Variants in KCNT2 observed in about 807,000 individuals in gnomAD.
KCNT2 encodes potassium channel subfamily T member 2.
In KCNT2, 67 loss-of-function variants were observed where a neutral mutation model predicts 153.8. That is an observed-to-expected ratio of 0.44 (90% CI 0.36 to 0.53). KCNT2 has a LOEUF of 0.53. Among genes scored for constraint, KCNT2 ranks in the 20% least tolerant of loss-of-function variants. KCNT2 has a pLI of 0.00. For missense variants in KCNT2, 975 were observed against 1,354.8 expected, an observed-to-expected ratio of 0.72 and a Z score of 4.40; for synonymous variants, 500 against 458.8, an observed-to-expected ratio of 1.09 and a Z score of -1.15.
At chr1:196,548,648 T>C (rs1657453287) in intron 1 of KCNT2, among the ~76,000 whole-genome samples, 1 of 152,076 alleles carries the variant, frequency 6.6e-6, no homozygotes, top group Admixed American at 6.6e-5. Context: ...AGCCATCCCA[T>C]TACTGCATAT....
intron 5 of KCNT2, among the ~76,000 whole-genome samples, chr1:196,474,177 T>G (rs1194244651): frequency 1.3e-5 from 2 of 152,178 alleles, no homozygotes. Flanking sequence ...CTTTTATTTT[T>G]ATCATAAAGA....
At chr1:196,576,086 ATATATGTG>A (rs755968387) in intron 1 of KCNT2, among the ~76,000 whole-genome samples, 1 of 150,450 alleles carries the variant, frequency 6.6e-6, no homozygotes, top group Non-Finnish European at 1.5e-5. Context: ...ATATATATAT[ATATATGTG>A]TGTGTGTGTG....
intron 20 of KCNT2, among the ~76,000 whole-genome samples, chr1:196,318,490 G>C (rs1364338719): frequency 6.6e-6 from 1 of 151,650 alleles, no homozygotes; most frequent in Non-Finnish European, 1.5e-5. Context: ...AAAGGTATAT[G>C]GGACGTTTAT....
intron 27 of KCNT2, among the ~76,000 whole-genome samples, chr1:196,230,730 T>C (rs1653879452): frequency 6.6e-6 from 1 of 152,018 alleles, no homozygotes; most frequent in Admixed American, 6.6e-5. Flanking sequence ...CTGCAATCTC[T>C]GACCAAAATT....
At chr1:196,292,805 C>CT (rs1188820406) in intron 22 of KCNT2, among the ~76,000 whole-genome samples, 2 of 93,426 alleles carry the variant, frequency 2.1e-5, no homozygotes, top group Non-Finnish European at 3.9e-5. Flanking sequence ...GAGTGAGACT[C>CT]TGTCTCAAAA....
chr1:196,575,183 T>A (rs1478555011), intron 1 of KCNT2, among the ~76,000 whole-genome samples: 1 of 152,206 alleles, frequency 6.6e-6, no homozygotes, highest in Admixed American at 6.6e-5. Flanking sequence ...TGCATTGTTT[T>A]AACTCCCTAA....
chr1:196,361,439 A>G (rs1432554822), intron 14 of KCNT2, among the ~76,000 whole-genome samples: 5 of 152,068 alleles, frequency 3.3e-5, no homozygotes, highest in Non-Finnish European at 7.4e-5. Context: ...TTCATAAAAA[A>G]GCTCTGTGAA....
chr1:196,470,143 G>T (rs1478755808), intron 5 of KCNT2, among the ~76,000 whole-genome samples: 1 of 152,140 alleles, frequency 6.6e-6, no homozygotes, highest in Non-Finnish European at 1.5e-5. Flanking sequence ...GAAGTTAGAA[G>T]AAAGGGAAGC....
At chr1:196,418,110 T>C (rs922975791) in intron 12 of KCNT2, among the ~76,000 whole-genome samples, 1 of 152,094 alleles carries the variant, frequency 6.6e-6, no homozygotes, top group Non-Finnish European at 1.5e-5. Context: ...AATTGTCTCT[T>C]TTGACATTTG....
intron 1 of KCNT2, among the ~76,000 whole-genome samples, chr1:196,601,397 T>C (rs1219882861): frequency 6.6e-6 from 1 of 152,254 alleles, no homozygotes; most frequent in Non-Finnish European, 1.5e-5. Flanking sequence ...TCCACTACTG[T>C]AAAATCATTT....
At chr1:196,301,802 C>T (rs1280385107) in intron 22 of KCNT2, among the ~76,000 whole-genome samples, 1 of 152,122 alleles carries the variant, frequency 6.6e-6, no homozygotes, top group Non-Finnish European at 1.5e-5. Flanking sequence ...TGCAATGGCA[C>T]AATCTTGGCT....
chr1:196,451,720 A>G (rs1458026343), intron 8 of KCNT2, among the ~76,000 whole-genome samples: 1 of 151,850 alleles, frequency 6.6e-6, no homozygotes, highest in African/African-American at 2.4e-5. Flanking sequence ...AGAAAAATTT[A>G]GTTCCTTCAT....
intron 8 of KCNT2, among the ~76,000 whole-genome samples, chr1:196,456,477 A>G (rs1676684614): frequency 6.6e-6 from 1 of 151,838 alleles, no homozygotes; most frequent in Non-Finnish European, 1.5e-5. Flanking sequence ...TATATGTCTT[A>G]TTTCTTTGAT....
intron 8 of KCNT2, among the ~76,000 whole-genome samples, chr1:196,432,610 C>A (rs1488456186): frequency 6.6e-6 from 1 of 152,090 alleles, no homozygotes; most frequent in East Asian, 1.9e-4. Flanking sequence ...GGACCTATTA[C>A]CCATTTCTTC....
chr1:196,383,219 A>T (rs1669659153), intron 13 of KCNT2, among the ~76,000 whole-genome samples: 1 of 152,212 alleles, frequency 6.6e-6, no homozygotes, highest in African/African-American at 2.4e-5. Flanking sequence ...TGTAAAATAA[A>T]AAGAAAGAAC....
chr1:196,573,405 C>T (rs189600497), intron 1 of KCNT2, among the ~76,000 whole-genome samples: 2 of 152,062 alleles, frequency 1.3e-5, no homozygotes, highest in East Asian at 3.9e-4. Context: ...GCTTATTTAT[C>T]CAGCACTACA....
intron 8 of KCNT2, among the ~76,000 whole-genome samples, chr1:196,455,605 C>T (rs565012999): frequency 1.3e-4 from 20 of 152,082 alleles, no homozygotes; most frequent in Non-Finnish European, 1.2e-4. Flanking sequence ...AGTTATTCCA[C>T]ATATATCTTC....
intron 8 of KCNT2, among the ~76,000 whole-genome samples, chr1:196,460,118 G>A (rs138928868): frequency 4.6e-5 from 7 of 151,724 alleles, no homozygotes; most frequent in African/African-American, 1.7e-4. Flanking sequence ...AAATTTGGGG[G>A]TTATATGGAG....
At chr1:196,433,446 G>A (rs1572432173) in intron 8 of KCNT2, among the ~76,000 whole-genome samples, 1 of 152,096 alleles carries the variant, frequency 6.6e-6, no homozygotes. Context: ...ATTAGTGGTT[G>A]CCTGGGACTG....
Sources: allele counts gnomAD v4.1 joint callset (sites outside exome capture counted in the v4.1 genomes callset), GRCh38; gene constraint gnomAD v4.1.1; transcripts MANE v1.5; gene names NCBI Gene and HGNC (gene_info 2026-07-23, HGNC 2026-07-21).